KSR1: variants seen among roughly 807,000 people sequenced by gnomAD.
KSR1 encodes kinase suppressor of ras.
In KSR1, 35 loss-of-function variants were observed where a neutral mutation model predicts 92.9. The observed-to-expected ratio is 0.38, with a 90% CI of 0.29 to 0.50. The LOEUF (loss-of-function observed/expected upper bound fraction) is 0.50, where lower values mean the gene tolerates loss of function less well. KSR1 is among the 20% of genes least tolerant of loss of function. The pLI is 0.94. For synonymous variants in KSR1, 467 were observed against 472.6 expected, an observed-to-expected ratio of 0.99 and a Z score of 0.15; for missense variants, 972 against 1,158.5, an observed-to-expected ratio of 0.84 and a Z score of 2.34.
At chr17:27,526,838 A>G in intron 1 of KSR1, 3 of 733,084 alleles carry the variant, frequency 4.1e-6, no homozygotes, top group Non-Finnish European at 7.1e-6. Context: ...CTCCGGGGGG[A>G]GGGGTGGAAG....
intron 2 of KSR1, chr17:27,560,569 C>G: frequency 4.0e-6 from 2 of 497,420 alleles, no homozygotes; most frequent in South Asian, 1.5e-5. Flanking sequence ...GGGGACAAAG[C>G]TGCCTTACTC....
intron 1 of KSR1, 53 bp from the exon 2 acceptor site, chr17:27,550,515 A>G: frequency 1.3e-6 from 1 of 757,392 alleles, no homozygotes; most frequent in South Asian, 1.3e-5. Context: ...TGGGCCTGCC[A>G]TATGGTTGGG....
intron 2 of KSR1, among the ~76,000 whole-genome samples, chr17:27,564,901 G>A (rs1483830266): frequency 2.0e-5 from 3 of 152,116 alleles, no homozygotes; most frequent in Non-Finnish European, 4.4e-5. Flanking sequence ...CAGAGATCAT[G>A]TTTCTAGACT....
chr17:27,617,183 C>T, intron 18 of KSR1, 112 bp from the exon 19 acceptor site: 1 of 1,219,648 alleles, frequency 8.2e-7, no homozygotes, highest in Non-Finnish European at 1.1e-6. Flanking sequence ...CAGGGGGCCG[C>T]CAGTTAGAGG....
intron 1 of KSR1, among the ~76,000 whole-genome samples, chr17:27,533,992 C>T (rs2070657003): frequency 6.9e-6 from 1 of 144,008 alleles, no homozygotes; most frequent in South Asian, 2.2e-4. Flanking sequence ...TCAGCCATGT[C>T]ACCACTATCC....
chr17:27,473,720 C>G (rs1423999062), intron 1 of KSR1, among the ~76,000 whole-genome samples: 1 of 152,126 alleles, frequency 6.6e-6, no homozygotes, highest in East Asian at 1.9e-4. Flanking sequence ...GGTGACGAGT[C>G]CCTGGGGAGA....
At chr17:27,585,944 G>T in intron 5 of KSR1, 4 of 439,326 alleles carry the variant, frequency 9.1e-6, no homozygotes, top group Non-Finnish European at 1.2e-5. Flanking sequence ...TCTCCACCTT[G>T]CCCTTCCCCA....
At chr17:27,540,646 A>C (rs2070929102) in intron 1 of KSR1, among the ~76,000 whole-genome samples, 1 of 152,180 alleles carries the variant, frequency 6.6e-6, no homozygotes, top group South Asian at 2.1e-4. Context: ...GGTCACTTGT[A>C]CTTTCTCCTC....
At chr17:27,606,348 G>A (rs533734782) in intron 14 of KSR1, among the ~76,000 whole-genome samples, 1 of 152,186 alleles carries the variant, frequency 6.6e-6, no homozygotes, top group African/African-American at 2.4e-5. Context: ...GCAACTGAGC[G>A]CTTCTCCCCA....
At chr17:27,583,807 A>G (rs1439105408) in intron 4 of KSR1, among the ~76,000 whole-genome samples, 1 of 152,138 alleles carries the variant, frequency 6.6e-6, no homozygotes, top group East Asian at 1.9e-4. Context: ...TTTTCTATCT[A>G]TATATTTTGA....
At chr17:27,533,445 A>G (rs561224459) in intron 1 of KSR1, among the ~76,000 whole-genome samples, 13 of 151,090 alleles carry the variant, frequency 8.6e-5, no homozygotes, top group Non-Finnish European at 1.9e-4. Context: ...GTGCAGTGGC[A>G]TAATCTTGGC....
At chr17:27,547,100 C>T (rs531515274) in intron 1 of KSR1, among the ~76,000 whole-genome samples, 2 of 152,332 alleles carry the variant, frequency 1.3e-5, no homozygotes, top group Admixed American at 1.3e-4. Context: ...TGCCACTGAG[C>T]CCCTAGTACC....
intron 1 of KSR1, among the ~76,000 whole-genome samples, chr17:27,545,010 T>G (rs1372490652): frequency 6.6e-6 from 1 of 152,244 alleles, no homozygotes; most frequent in African/African-American, 2.4e-5. Flanking sequence ...TAACAAGTTC[T>G]GGGAGATAGC....
intron 2 of KSR1, among the ~76,000 whole-genome samples, chr17:27,554,124 C>G (rs900171301): frequency 1.3e-5 from 2 of 152,186 alleles, no homozygotes; most frequent in African/African-American, 4.8e-5. Context: ...GCCAGAGTTC[C>G]AAACCCATGT....
intron 1 of KSR1, among the ~76,000 whole-genome samples, chr17:27,489,172 CG>C (rs1440367140): frequency 6.6e-6 from 1 of 152,140 alleles, no homozygotes; most frequent in Admixed American, 6.5e-5. Context: ...CCCTGGGGGC[CG>C]GGCCCGTGGG....
At chr17:27,536,709 G>T (rs1567803362) in intron 1 of KSR1, among the ~76,000 whole-genome samples, 1 of 152,208 alleles carries the variant, frequency 6.6e-6, no homozygotes, top group Non-Finnish European at 1.5e-5. Flanking sequence ...AAAAAAAAGT[G>T]GCACCGGCCA....
Position 27,499,941 on chromosome 17 carries a change from G to A in KSR1, c.231+43067G>A, listed in dbSNP as rs2069117633. Among the ~76,000 whole-genome samples the A allele has an allele frequency of 2.0e-5, 3 of 152,252 alleles. No individual in the cohort carries two copies. In the South Asian group the frequency reaches 6.2e-4, roughly 31 times the overall value. ...ATTTGAGTGCCTGTTATCTGAGGCT[G>A]GTCTGGGAGGACTGGCAGCGATTGT... On this transcript the variant is annotated intron_variant, in intron 1 of 20. Transcript: ENST00000644974.
chr17:27,623,587 C>A lies in KSR1; in HGVS notation c.*195C>A. On this transcript the variant is annotated 3_prime_UTR_variant, in exon 21 of 21. Coordinates refer to ENST00000644974, the MANE Select transcript of KSR1 (RefSeq NM_001394583.1). Reference sequence around the variant, plus strand: ...CACCTGCTATTTCTTAAAATGACACCACCAACAACCAAACCTGTCATGACA... The same window carrying A: ...CACCTGCTATTTCTTAAAATGACACAACCAACAACCAAACCTGTCATGACA... The A allele has an allele frequency of 1.6e-6, 1 of 633,792 alleles. No individual in the cohort carries two copies. The highest frequency in any genetic ancestry group is 2.8e-6 in the Non-Finnish European group (1 of 357,076). The allele number at this position is 633,792 out of a possible 1,614,324, so 39.3% of individuals were successfully genotyped here.
intron 11 of KSR1, chr17:27,602,061 T>G: frequency 1.4e-6 from 1 of 737,304 alleles, no homozygotes; most frequent in Non-Finnish European, 2.3e-6. Context: ...TCAGTGCTTT[T>G]TACTGTAACT....
Sources: gnomAD v4.1 joint callset for allele counts (sites outside exome capture counted in the v4.1 genomes callset) on GRCh38, gnomAD v4.1.1 for gene constraint, MANE v1.5 for transcripts, NCBI Gene and HGNC (gene_info 2026-07-23, HGNC 2026-07-21) for gene names.